Variants in ARID1B observed in about 807,000 individuals in gnomAD.
ARID1B encodes the protein AT-rich interaction domain 1B.
Under a neutral mutation model 212.3 loss-of-function variants are expected in ARID1B, and 30 were observed. The ratio of observed to expected loss-of-function variants is 0.14; its 90% CI spans 0.11 to 0.19. The LOEUF is 0.19. Among genes scored for constraint, ARID1B ranks in the 10% least tolerant of loss-of-function variants. The pLI is 1.00. For synonymous variants in ARID1B, 1,402 were observed against 1,301.7 expected, an observed-to-expected ratio of 1.08 and a Z score of -1.66; for missense variants, 2,891 against 3,204.0, an observed-to-expected ratio of 0.90 and a Z score of 2.36.
At position 157,078,336 on chromosome 6, in the gene ARID1B, G is replaced by A. The variant is rs1423785915; in HGVS notation, c.2248-6326G>A. On this transcript the variant is annotated intron_variant, in intron 4 of 19. Coordinates refer to ENST00000636930, the MANE Select transcript of ARID1B (RefSeq NM_001374828.1). The stretch of plus-strand genomic sequence containing the variant: ...TGGGAGTCTAACCAAGAAGGGAAAC[G>A]TTACTTCCAGATGAAGGTAAATCCC... Among the ~76,000 whole-genome samples the A allele has an allele frequency of 3.9e-5, 6 of 152,122 alleles. No individual in the cohort carries two copies. In the South Asian group the frequency reaches 6.2e-4, roughly 16 times the overall value.
chr6:157,001,746 C>T (rs1778926218), intron 4 of ARID1B, among the ~76,000 whole-genome samples: 1 of 152,198 alleles, frequency 6.6e-6, no homozygotes, highest in African/African-American at 2.4e-5. Flanking sequence ...TGTCCCCCTC[C>T]TTGCCCTTGG....
intron 3 of ARID1B, among the ~76,000 whole-genome samples, chr6:156,921,632 T>A (rs1790811465): frequency 6.6e-6 from 1 of 152,208 alleles, no homozygotes; most frequent in Admixed American, 6.5e-5. Flanking sequence ...GTATATTGTT[T>A]TTCTGAAAGT....
rs530602758 is a variant in ARID1B, at chr6:157,190,164, G to A, written c.4185G>A (p.Arg1395=). The A allele has an allele frequency of 6.2e-7, 1 of 1,614,060 alleles. No homozygotes were observed. The highest frequency in any genetic ancestry group is 1.1e-5 in the South Asian group (1 of 91,082). ...QGMSMPDVMG[R]MPYEPNKDPF... ...TGAGCATGCCCGATGTGATGGGCAGGATGCCCTATGAGCCCAACAAGGACC... is the reference window on the plus strand; with the variant it reads ...TGAGCATGCCCGATGTGATGGGCAGAATGCCCTATGAGCCCAACAAGGACC... Residue 1395 remains arginine, a synonymous_variant, in exon 15 of 20, where the codon AGG becomes AGA. Coordinates refer to ENST00000636930, the MANE Select transcript of ARID1B (RefSeq NM_001374828.1). The surrounding 1 kb of genome is among the most constrained non-coding windows in gnomAD (Gnocchi z 4.6).
chr6:156,979,548 T>C (rs143033030), intron 4 of ARID1B, among the ~76,000 whole-genome samples: 17 of 149,946 alleles, frequency 1.1e-4, no homozygotes, highest in African/African-American at 4.3e-4. Flanking sequence ...ATGAATTATT[T>C]GAATCAGCTG....
intron 6 of ARID1B, among the ~76,000 whole-genome samples, chr6:157,114,748 A>G (rs1405409866): frequency 1.3e-5 from 2 of 152,144 alleles, no homozygotes; most frequent in Admixed American, 6.5e-5. Context: ...CATTTTCTTT[A>G]ATGGCACGGA....
At chr6:156,904,312 A>G (rs1489170573) in intron 3 of ARID1B, among the ~76,000 whole-genome samples, 1 of 152,238 alleles carries the variant, frequency 6.6e-6, no homozygotes, top group African/African-American at 2.4e-5. Flanking sequence ...AAAGGAGCAC[A>G]TACAGCAATC....
At chr6:156,893,045 C>T (rs866680620) in intron 2 of ARID1B, among the ~76,000 whole-genome samples, 14 of 85,910 alleles carry the variant, frequency 1.6e-4, no homozygotes, top group South Asian at 3.2e-4. Flanking sequence ...TTTTTTCTTC[C>T]TTTTTTTTTT....
chr6:156,839,545 C>T (rs1469375542), intron 2 of ARID1B, among the ~76,000 whole-genome samples: 1 of 152,148 alleles, frequency 6.6e-6, no homozygotes, highest in African/African-American at 2.4e-5. Context: ...CCTTCAGCTG[C>T]CAGGAAGAGC....
At chr6:156,782,443 C>T (rs1206213902) in intron 1 of ARID1B, among the ~76,000 whole-genome samples, 1 of 152,052 alleles carries the variant, frequency 6.6e-6, no homozygotes, top group Non-Finnish European at 1.5e-5. Flanking sequence ...TCAGATGGAG[C>T]AGTCTCAAAA....
At chr6:157,199,331 A>G (rs748157942) in intron 17 of ARID1B, among the ~76,000 whole-genome samples, 33 of 152,272 alleles carry the variant, frequency 2.2e-4, no homozygotes, top group Middle Eastern at 3.4e-3. Context: ...GAATTGGCTT[A>G]TTTAAAAATG....
At chr6:156,938,672 A>G (rs539944502) in intron 4 of ARID1B, 4 of 152,290 alleles carry the variant, frequency 2.6e-5, no homozygotes, top group South Asian at 2.1e-4. Flanking sequence ...ATGTTTCTGC[A>G]TGTGATATTT....
chr6:156,981,561 C>T (rs1413370564), intron 4 of ARID1B, among the ~76,000 whole-genome samples: 1 of 151,884 alleles, frequency 6.6e-6, no homozygotes, highest in Non-Finnish European at 1.5e-5. Flanking sequence ...TTTTAAATTC[C>T]TCAGTTTGGC....
intron 1 of ARID1B, among the ~76,000 whole-genome samples, chr6:156,818,738 A>G (rs1198673044): frequency 6.6e-6 from 1 of 152,140 alleles, no homozygotes; most frequent in African/African-American, 2.4e-5. Flanking sequence ...TGCTTGTGCA[A>G]ATTCTGATAG....
intron 1 of ARID1B, among the ~76,000 whole-genome samples, chr6:156,805,735 G>A (rs530121118): frequency 1.3e-5 from 2 of 151,974 alleles, no homozygotes; most frequent in Non-Finnish European, 2.9e-5. Context: ...GAGTGCAGTG[G>A]CACCATTGTA....
intron 1 of ARID1B, among the ~76,000 whole-genome samples, chr6:156,804,181 AC>A (rs2127953640): frequency 6.6e-6 from 1 of 152,144 alleles, no homozygotes; most frequent in Non-Finnish European, 1.5e-5. Context: ...ACCAGAAAAT[AC>A]AAAAATTAGC....
chr6:156,890,173 A>G (rs17087880), intron 2 of ARID1B, among the ~76,000 whole-genome samples: 6,087 of 152,288 alleles, frequency 0.04, 378 homozygotes, highest in African/African-American at 0.14. Flanking sequence ...ACAGCTATAT[A>G]GAATATTCAC....
chr6:156,802,148 T>G (rs767868861), intron 1 of ARID1B, among the ~76,000 whole-genome samples: 13 of 152,242 alleles, frequency 8.5e-5, no homozygotes, highest in Admixed American at 2.0e-4. Context: ...CCTCCATCTA[T>G]GTCAGAAAAA....
chr6:156,897,047 C>T (rs999031157), intron 2 of ARID1B, among the ~76,000 whole-genome samples: 2 of 151,970 alleles, frequency 1.3e-5, no homozygotes, highest in Admixed American at 1.3e-4. Context: ...GTAGTACTTG[C>T]GTTCTTTATT....
At chr6:156,916,817 C>T (rs938987269) in intron 3 of ARID1B, among the ~76,000 whole-genome samples, 1 of 152,132 alleles carries the variant, frequency 6.6e-6, no homozygotes, top group Non-Finnish European at 1.5e-5. Flanking sequence ...AAGAGACCTC[C>T]TTTCCTGTTA....
Sources: gnomAD v4.1 joint callset for allele counts (sites outside exome capture counted in the v4.1 genomes callset) on GRCh38, gnomAD v4.1.1 for gene constraint, Gnocchi (gnomAD v3.1) non-coding constraint, MANE v1.5 for transcripts, NCBI Gene and HGNC (gene_info 2026-07-23, HGNC 2026-07-21) for gene names.